The following CDH12 variants were observed in gnomAD, a reference collection of about 807,000 sequenced individuals.
CDH12 encodes cadherin-12.
Under a neutral mutation model 74.1 loss-of-function variants are expected in CDH12, and 41 were observed. That is an observed-to-expected ratio of 0.55 (90% CI 0.43 to 0.72). The LOEUF (loss-of-function observed/expected upper bound fraction) is 0.72, where lower values mean the gene tolerates loss of function less well. Among genes scored for constraint, CDH12 ranks in the 30% least tolerant of loss-of-function variants. The pLI is 0.00. For synonymous variants in CDH12, 399 were observed against 355.0 expected (o/e 1.12, Z -1.39); for missense variants, 945 against 977.2 (o/e 0.97, Z 0.44).
chr5:22,534,377 A>G (rs927052625), intron 1 of CDH12, among the ~76,000 whole-genome samples: 4 of 151,968 alleles, frequency 2.6e-5, no homozygotes, highest in Admixed American at 6.6e-5. Flanking sequence ...TGAGTCCCCA[A>G]AGTCCACTGT....
At chr5:22,758,787 T>G (rs1231462479) in intron 1 of CDH12, among the ~76,000 whole-genome samples, 2 of 152,172 alleles carry the variant, frequency 1.3e-5, no homozygotes, top group Non-Finnish European at 2.9e-5. Flanking sequence ...GGAAGGGCTA[T>G]GAAATTGTGT....
intron 3 of CDH12, among the ~76,000 whole-genome samples, chr5:22,341,497 ACAT>A (rs1373054371): frequency 6.6e-6 from 1 of 152,116 alleles, no homozygotes; most frequent in African/African-American, 2.4e-5. Context: ...AAGACAAGAA[ACAT>A]CATGATTTTG....
At chr5:22,119,320 T>C (rs951921259) in intron 4 of CDH12, among the ~76,000 whole-genome samples, 2 of 149,114 alleles carry the variant, frequency 1.3e-5, no homozygotes, top group Non-Finnish European at 3.0e-5. Flanking sequence ...AGATGGAGTC[T>C]TGATGTGTTG....
At chr5:22,212,123 T>A (rs1751578807) in intron 4 of CDH12, 3 of 152,092 alleles carry the variant, frequency 2.0e-5, no homozygotes, top group Admixed American at 2.0e-4. Flanking sequence ...TTTCTTTCCA[T>A]CTGATTTAAC....
chr5:22,625,272 T>C (rs1231592152), intron 1 of CDH12, among the ~76,000 whole-genome samples: 2 of 152,090 alleles, frequency 1.3e-5, no homozygotes, highest in African/African-American at 4.8e-5. Context: ...AACCTGCACA[T>C]TGTGCACATG....
At chr5:21,814,797 T>G (rs1007067426) in intron 9 of CDH12, among the ~76,000 whole-genome samples, 4 of 151,382 alleles carry the variant, frequency 2.6e-5, no homozygotes, top group African/African-American at 9.7e-5. Context: ...TATTAATGAT[T>G]TTTATTTGTT....
chr5:21,924,537 CATAAATAA>C (rs70957079), intron 6 of CDH12, among the ~76,000 whole-genome samples: 111,791 of 151,066 alleles, frequency 0.74, 44,159 homozygotes, highest in East Asian at 0.93. Context: ...TACATGAATA[CATAAATAA>C]ATAAATAAAT....
At chr5:22,433,650 T>C (rs1041979550) in intron 2 of CDH12, among the ~76,000 whole-genome samples, 1 of 152,142 alleles carries the variant, frequency 6.6e-6, no homozygotes, top group African/African-American at 2.4e-5. Flanking sequence ...CAAAAAAGTA[T>C]CTGAAATAAG....
intron 5 of CDH12, among the ~76,000 whole-genome samples, chr5:22,006,197 T>A (rs2963549): frequency 2.6e-5 from 4 of 152,104 alleles, no homozygotes; most frequent in Non-Finnish European, 4.4e-5. Context: ...ATTTTTTTTT[T>A]AATATAGATG....
At chr5:22,548,238 G>T (rs4608888) in intron 1 of CDH12, among the ~76,000 whole-genome samples, 26 of 152,062 alleles carry the variant, frequency 1.7e-4, no homozygotes, top group Non-Finnish European at 3.1e-4. Context: ...TGTTAACATA[G>T]CTGACAAAGC....
chr5:22,620,263 A>C (rs1381721027), intron 1 of CDH12, among the ~76,000 whole-genome samples: 1 of 152,060 alleles, frequency 6.6e-6, no homozygotes. Flanking sequence ...ATAAGAAATG[A>C]CTCTTAAATG....
chr5:21,821,816 G>A (rs13160254), intron 8 of CDH12, among the ~76,000 whole-genome samples: 92,028 of 151,700 alleles, frequency 0.61, 29,964 homozygotes, highest in Non-Finnish European at 0.73. Flanking sequence ...TCAAACATTA[G>A]ATTGTTCAAA....
At chr5:22,080,979 C>T (rs955018113) in intron 4 of CDH12, among the ~76,000 whole-genome samples, 4 of 151,964 alleles carry the variant, frequency 2.6e-5, no homozygotes, top group Non-Finnish European at 4.4e-5. Flanking sequence ...CGGGGTTTCA[C>T]CATGTTGGCC....
intron 3 of CDH12, among the ~76,000 whole-genome samples, chr5:22,219,289 T>A (rs1019469760): frequency 6.6e-6 from 1 of 151,714 alleles, no homozygotes; most frequent in African/African-American, 2.4e-5. Context: ...GATCATATTG[T>A]TACAGAGTGG....
intron 2 of CDH12, among the ~76,000 whole-genome samples, chr5:22,462,340 G>A (rs1181449238): frequency 6.6e-6 from 1 of 152,130 alleles, no homozygotes; most frequent in Non-Finnish European, 1.5e-5. Flanking sequence ...CATAATCAGA[G>A]CCTATTGAAT....
intron 3 of CDH12, among the ~76,000 whole-genome samples, chr5:22,244,896 A>C (rs115676541): frequency 0.025 from 3,854 of 152,110 alleles, 71 homozygotes; most frequent in African/African-American, 0.052. Context: ...CTCTATAGGT[A>C]ATATTTGAGT....
rs1418181755 is a variant in CDH12, at chr5:22,657,761, C to T, written c.-522-152397G>A. Among the ~76,000 whole-genome samples, 11 of 151,960 alleles carry T rather than the reference C, an allele frequency of 7.2e-5. No individual in the cohort carries two copies. In the East Asian group the frequency reaches 7.7e-4, roughly 11 times the overall value. On this transcript the variant is annotated intron_variant, in intron 1 of 14. Transcript: ENST00000382254. ...AAAATAAGGCAAATTTAAAATGAGGCGGAAAGAAAATAATAATTTGGGCAT... is the reference window on the plus strand; with the variant it reads ...AAAATAAGGCAAATTTAAAATGAGGTGGAAAGAAAATAATAATTTGGGCAT...
intron 3 of CDH12, among the ~76,000 whole-genome samples, chr5:22,337,519 G>A (rs895711059): frequency 3.3e-5 from 5 of 152,116 alleles, no homozygotes; most frequent in Non-Finnish European, 5.9e-5. Context: ...TCTCATGATA[G>A]TGAATGTGTC....
chr5:22,483,826 T>C (rs1304342642), intron 2 of CDH12, among the ~76,000 whole-genome samples: 2 of 133,224 alleles, frequency 1.5e-5, no homozygotes, highest in Non-Finnish European at 3.2e-5. Flanking sequence ...AAGGCTGAGA[T>C]GGGAGGATCA....
Sources: allele counts gnomAD v4.1 joint callset (sites outside exome capture counted in the v4.1 genomes callset), GRCh38; gene constraint gnomAD v4.1.1; transcripts MANE v1.5; gene names NCBI Gene and HGNC (gene_info 2026-07-23, HGNC 2026-07-21).